The following RERE variants were observed in gnomAD, a reference collection of about 807,000 sequenced individuals.
The protein encoded by RERE is arginine-glutamic acid dipeptide repeats protein.
Under a neutral mutation model 146.1 loss-of-function variants are expected in RERE, and 40 were observed. That is an observed-to-expected ratio of 0.27 (90% CI 0.21 to 0.36). RERE has a LOEUF of 0.36. Among genes scored for constraint, RERE ranks in the 10% least tolerant of loss-of-function variants. RERE has a pLI of 1.00. For synonymous variants in RERE, 1,003 were observed against 866.0 expected, an observed-to-expected ratio of 1.16 and a Z score of -2.78; for missense variants, 1,933 against 2,138.7, an observed-to-expected ratio of 0.90 and a Z score of 1.90.
rs1646830601 is a variant in RERE at position 8,614,679 on chromosome 1, T to C, written c.404A>G (p.Asn135Ser). 4 of 1,605,438 alleles carry C rather than the reference T, an allele frequency of 2.5e-6. No individual in the cohort carries two copies. Among genetic ancestry groups the C allele is most frequent in the East Asian group, 4.5e-5 (2 of 44,518 alleles). The change falls in exon 4 of 23, where the codon AAC (asparagine) becomes AGC (serine). Residue 135 changes from asparagine to serine, a missense_variant. This residue lies in a region of RERE where 74 missense variants were observed against 99.6 expected (regional missense o/e 0.74). Transcript: ENST00000400908. Reference protein sequence around the residue: ...CSIQDFKLVHNSQACCRSPTP... With the variant: ...CSIQDFKLVHSSQACCRSPTP... The stretch of plus-strand genomic sequence containing the variant: ...TGGAGATCTGCAACAGGCCTGGGAG[T>C]TGTGGACCTAAAAAAGAAAACAGTT...
chr1:8,406,829 G>A (rs1376463152), intron 12 of RERE, among the ~76,000 whole-genome samples: 2 of 151,930 alleles, frequency 1.3e-5, no homozygotes, highest in Non-Finnish European at 1.5e-5. Flanking sequence ...GAAGTACTAC[G>A]TACATATATA....
At chr1:8,411,082 C>G (rs1339733846) in intron 12 of RERE, among the ~76,000 whole-genome samples, 2 of 152,084 alleles carry the variant, frequency 1.3e-5, no homozygotes, top group Non-Finnish European at 2.9e-5. Context: ...ATAACTAGAA[C>G]AGAGTACTGT....
Position 8,656,049 on chromosome 1 carries a change from C to T in RERE, c.249G>A (p.Lys83=). The part of the protein sequence containing the change: ...KKNKKKPPKK[K]SRYERTDTGE... Reference sequence around the variant, plus strand: ...CGGTATCTGTCCTTTCATAACGAGACTTTTTTTTCGGTGGTTTCTTCTTAT... The same window carrying T: ...CGGTATCTGTCCTTTCATAACGAGATTTTTTTTTCGGTGGTTTCTTCTTAT... The change falls in exon 2 of 23, where the codon AAG becomes AAA. Residue 83 remains lysine, a synonymous_variant. Coordinates refer to ENST00000400908, the MANE Select transcript of RERE (RefSeq NM_001042681.2). 6.2e-7 allele frequency: 1 copy of T among 1,613,928 alleles called. No individual in the cohort carries two copies. The highest frequency in any genetic ancestry group is 8.5e-7 in the Non-Finnish European group (1 of 1,179,922).
rs577601697 is a variant in RERE, at chr1:8,398,134, TA to T, written c.1284+24592del. 2.8e-3 allele frequency among the ~76,000 whole-genome samples: 430 copies of T among 152,364 alleles called. 3 individuals are homozygous for T. The highest frequency in any genetic ancestry group is 9.9e-3 in the African/African-American group (411 of 41,592). On this transcript the variant is annotated intron_variant, in intron 12 of 22. Transcript: ENST00000400908. Reference sequence around the variant, plus strand: ...AAAGATTAATGAAGGAAATTAAGTTTAAAAATGTAGAGCATTTCCACATGGA... The same window carrying T: ...AAAGATTAATGAAGGAAATTAAGTTTAAAATGTAGAGCATTTCCACATGGA...
chr1:8,757,911 T>TACACACACACACACAC (rs35913290), intron 1 of RERE, among the ~76,000 whole-genome samples: 31 of 30,132 alleles, frequency 1.0e-3, no homozygotes, highest in African/African-American at 2.8e-3. Context: ...CACACATACA[T>TACACACACACACACAC]ACACACACAC....
intron 11 of RERE, among the ~76,000 whole-genome samples, chr1:8,455,966 G>A (rs1278128934): frequency 6.6e-6 from 1 of 152,150 alleles, no homozygotes; most frequent in Admixed American, 6.5e-5. Flanking sequence ...AAGAATATCA[G>A]AACACTACTA....
chr1:8,542,134 AACAC>A (rs1257445909), intron 6 of RERE, among the ~76,000 whole-genome samples: 1 of 152,068 alleles, frequency 6.6e-6, no homozygotes, highest in Non-Finnish European at 1.5e-5. Flanking sequence ...TCCAAATCCA[AACAC>A]ACACACGCAC....
At chr1:8,518,872 G>A (rs866182704) in intron 7 of RERE, among the ~76,000 whole-genome samples, 3 of 152,064 alleles carry the variant, frequency 2.0e-5, no homozygotes, top group African/African-American at 7.2e-5. Context: ...TCATTGTGCT[G>A]GCCGACTCTG....
At chr1:8,567,883 T>G (rs927495382) in intron 4 of RERE, among the ~76,000 whole-genome samples, 1 of 152,198 alleles carries the variant, frequency 6.6e-6, no homozygotes, top group African/African-American at 2.4e-5. Context: ...GGGACAGACA[T>G]AGCAAACTAA....
At chr1:8,756,660 C>A (rs1640644410) in intron 1 of RERE, among the ~76,000 whole-genome samples, 2 of 152,160 alleles carry the variant, frequency 1.3e-5, no homozygotes, top group African/African-American at 4.8e-5. Flanking sequence ...TGCTGTACTA[C>A]TATATCTTTT....
At chr1:8,384,091 G>T (rs1239000275) in intron 12 of RERE, among the ~76,000 whole-genome samples, 1 of 152,142 alleles carries the variant, frequency 6.6e-6, no homozygotes, top group Non-Finnish European at 1.5e-5. Context: ...ATGCTGAGAA[G>T]AGCATAGGGA....
intron 1 of RERE, among the ~76,000 whole-genome samples, chr1:8,726,626 C>G (rs1389981310): frequency 6.6e-6 from 1 of 152,012 alleles, no homozygotes; most frequent in Non-Finnish European, 1.5e-5. Context: ...GTTCAGAACA[C>G]CTGGTATATT....
At chr1:8,632,421 G>A (rs1033383728) in intron 2 of RERE, among the ~76,000 whole-genome samples, 1 of 152,176 alleles carries the variant, frequency 6.6e-6, no homozygotes, top group African/African-American at 2.4e-5. Context: ...AAATACACAG[G>A]ACAATTCACA....
At chr1:8,686,409 T>C (rs1639087541) in intron 1 of RERE, among the ~76,000 whole-genome samples, 1 of 152,222 alleles carries the variant, frequency 6.6e-6, no homozygotes, top group African/African-American at 2.4e-5. Context: ...TTCTCTGTCA[T>C]TCAGGACTTT....
intron 1 of RERE, among the ~76,000 whole-genome samples, chr1:8,764,058 T>A (rs557893700): frequency 6.6e-6 from 1 of 152,190 alleles, no homozygotes; most frequent in East Asian, 1.9e-4. Flanking sequence ...CCAGCTGCAG[T>A]GTACCAATCC....
Position 8,422,708 on chromosome 1 carries a change from A to G in RERE, c.1284+19T>C. 3 of 1,579,870 alleles carry G rather than the reference A, an allele frequency of 1.9e-6. No homozygotes were observed. The highest frequency in any genetic ancestry group is 2.6e-6 in the Non-Finnish European group (3 of 1,149,334). ...CAAAGAGGAAAAAATCAAGTTACAT[A>G]AAGTCCAATTGTACTCACTGTTTCC... On this transcript the variant is annotated intron_variant, in intron 12 of 22. Transcript: ENST00000400908.
chr1:8,511,456 T>C (rs964436322), intron 7 of RERE, among the ~76,000 whole-genome samples: 2 of 152,248 alleles, frequency 1.3e-5, no homozygotes, highest in African/African-American at 4.8e-5. Context: ...AAAGTTCTTT[T>C]TGAGCAGGTA....
At chr1:8,438,096 T>A (rs139627715) in intron 11 of RERE, among the ~76,000 whole-genome samples, 180 of 152,314 alleles carry the variant, frequency 1.2e-3, no homozygotes, top group African/African-American at 4.1e-3. Flanking sequence ...TCCTCCTGGC[T>A]CGGCCTCCCA....
At chr1:8,407,423 A>G (rs1260143723) in intron 12 of RERE, among the ~76,000 whole-genome samples, 3 of 152,232 alleles carry the variant, frequency 2.0e-5, no homozygotes, top group African/African-American at 7.2e-5. Context: ...ATACTTTATA[A>G]GGTGGCCAAG....
Sources: allele counts gnomAD v4.1 joint callset (sites outside exome capture counted in the v4.1 genomes callset), GRCh38; gene constraint gnomAD v4.1.1; regional missense constraint gnomAD v4.1.1; transcripts MANE v1.5; gene names NCBI Gene and HGNC (gene_info 2026-07-23, HGNC 2026-07-21).